NELL2: variants seen among roughly 807,000 people sequenced by gnomAD.
The protein encoded by NELL2 is protein kinase C-binding protein NELL2.
Under a neutral mutation model 109.6 loss-of-function variants are expected in NELL2, and 41 were observed. The observed-to-expected ratio is 0.37, with a 90% CI of 0.29 to 0.49. The LOEUF is 0.49. NELL2 is among the 20% of genes least tolerant of loss of function. The pLI is 0.98. For missense variants in NELL2, 900 were observed against 1,008.3 expected (o/e 0.89, Z 1.45); for synonymous variants, 355 against 344.7 (o/e 1.03, Z -0.33).
chr12:44,622,702 A>G (rs1390858612), intron 13 of NELL2, among the ~76,000 whole-genome samples: 2 of 152,150 alleles, frequency 1.3e-5, no homozygotes, highest in African/African-American at 4.8e-5. Context: ...CTGACCTTTA[A>G]TCTTCCAACT....
chr12:44,745,535 T>A (rs1940289903), intron 9 of NELL2, among the ~76,000 whole-genome samples: 1 of 152,196 alleles, frequency 6.6e-6, no homozygotes, highest in Non-Finnish European at 1.5e-5. Flanking sequence ...ATTACATGAT[T>A]GTATATCTAG....
chr12:44,660,705 C>T (rs1947711053), intron 13 of NELL2, among the ~76,000 whole-genome samples: 1 of 152,198 alleles, frequency 6.6e-6, no homozygotes, highest in Admixed American at 6.5e-5. Context: ...TAAAGAACTA[C>T]ACAACATAGA....
intron 1 of NELL2, among the ~76,000 whole-genome samples, chr12:44,905,009 G>A (rs1161242941): frequency 2.0e-5 from 3 of 151,980 alleles, no homozygotes; most frequent in Non-Finnish European, 4.4e-5. Context: ...ACCAATGACT[G>A]GACCAAATTT....
At chr12:44,692,721 G>C (rs1248214766) in intron 12 of NELL2, among the ~76,000 whole-genome samples, 1 of 152,104 alleles carries the variant, frequency 6.6e-6, no homozygotes, top group Non-Finnish European at 1.5e-5. Context: ...GACTTTGAGT[G>C]GTTCAAGACT....
chr12:44,681,957 G>A (rs1165015399), intron 12 of NELL2, among the ~76,000 whole-genome samples: 1 of 151,782 alleles, frequency 6.6e-6, no homozygotes, highest in Non-Finnish European at 1.5e-5. Context: ...TGGGTCAAAT[G>A]CTATTTCTAG....
intron 13 of NELL2, among the ~76,000 whole-genome samples, chr12:44,624,027 C>G (rs1025198735): frequency 6.6e-6 from 1 of 152,040 alleles, no homozygotes. Flanking sequence ...GGAGAAATAT[C>G]TAACGTAGGT....
intron 13 of NELL2, among the ~76,000 whole-genome samples, chr12:44,632,257 A>C (rs186838443): frequency 2.3e-4 from 35 of 152,272 alleles, no homozygotes; most frequent in Non-Finnish European, 4.4e-4. Flanking sequence ...TTGACATCAG[A>C]TACAAGTCAG....
intron 11 of NELL2, among the ~76,000 whole-genome samples, chr12:44,709,475 C>T (rs1938074198): frequency 6.6e-6 from 1 of 152,274 alleles, no homozygotes; most frequent in East Asian, 1.9e-4. Flanking sequence ...GCCCGGCTTC[C>T]AGCCCTACAG....
At chr12:44,748,754 GT>G (rs1249394614) in intron 9 of NELL2, among the ~76,000 whole-genome samples, 1 of 152,128 alleles carries the variant, frequency 6.6e-6, no homozygotes, top group Non-Finnish European at 1.5e-5. Flanking sequence ...ATGAAAAGAT[GT>G]ATCCATTTAC....
At chr12:44,635,028 T>C (rs1475615580) in intron 13 of NELL2, among the ~76,000 whole-genome samples, 1 of 152,214 alleles carries the variant, frequency 6.6e-6, no homozygotes, top group African/African-American at 2.4e-5. Context: ...ATTTTTCTAA[T>C]GACCAGTGAT....
chr12:44,762,435 T>A (rs1457278783), intron 9 of NELL2, among the ~76,000 whole-genome samples: 2 of 152,214 alleles, frequency 1.3e-5, no homozygotes, highest in East Asian at 3.9e-4. Flanking sequence ...CAAAACCTAA[T>A]CATTTCCCAT....
Position 44,585,091 on chromosome 12 carries a change from T to C in NELL2, c.1663+22078A>G, listed in dbSNP as rs377088452. Among the ~76,000 whole-genome samples the C allele has an allele frequency of 5.3e-5, 8 of 152,314 alleles. No individual in the cohort carries two copies. The South Asian group carries it at 1.7e-3, about 32-fold the overall frequency. ...ACTTGAAAAATTGAAAATATTCCTA[T>C]CATTCTCATAGACAGTTTGTGGGAA... On this transcript the variant is annotated intron_variant, in intron 15 of 19. Coordinates refer to ENST00000429094, the MANE Select transcript of NELL2 (RefSeq NM_001145108.2).
chr12:44,889,313 T>C (rs1945508103), intron 1 of NELL2, among the ~76,000 whole-genome samples: 1 of 152,040 alleles, frequency 6.6e-6, no homozygotes, highest in Admixed American at 6.6e-5. Flanking sequence ...GAAAAATATA[T>C]ACAGCATTCC....
In NELL2 at chr12:44,523,417, G is replaced by A. The variant is rs201592050; in HGVS notation, c.1872C>T (p.Gly624=). The part of the protein sequence containing the change: ...ANDTICFNLD[G]GYDCRCPHGK... The stretch of plus-strand genomic sequence containing the variant: ...CATGAGGACATCGACAATCATATCC[G>A]CCATCCAAATTGAAGCAAATGGTAT... Residue 624 remains glycine (G), a synonymous_variant, in exon 17 of 20, where the codon GGC becomes GGT. Transcript: ENST00000429094. The A allele has an allele frequency of 3.1e-5, 50 of 1,613,842 alleles. No homozygotes were observed. The highest frequency in any genetic ancestry group is 4.5e-5 in the East Asian group (2 of 44,888).
At chr12:44,663,683 T>G (rs1404622807) in intron 13 of NELL2, among the ~76,000 whole-genome samples, 3 of 152,314 alleles carry the variant, frequency 2.0e-5, no homozygotes, top group African/African-American at 7.2e-5. Flanking sequence ...GGAAGGAAAG[T>G]GCACTGGGAG....
chr12:44,512,831 G>A (rs1200437847), intron 19 of NELL2, among the ~76,000 whole-genome samples: 1 of 151,986 alleles, frequency 6.6e-6, no homozygotes, highest in Non-Finnish European at 1.5e-5. Flanking sequence ...GAGGAGGATA[G>A]GAAGATGTTG....
intron 2 of NELL2, among the ~76,000 whole-genome samples, chr12:44,816,721 T>C (rs112223884): frequency 2.0e-4 from 31 of 152,324 alleles, no homozygotes; most frequent in African/African-American, 6.3e-4. Flanking sequence ...TCACCATAGA[T>C]ATTGAAAAAA....
At chr12:44,605,729 C>G (rs997592505) in intron 15 of NELL2, among the ~76,000 whole-genome samples, 4 of 152,054 alleles carry the variant, frequency 2.6e-5, no homozygotes, top group Non-Finnish European at 4.4e-5. Flanking sequence ...ATTGAAATGT[C>G]CTGAAAAAGC....
chr12:44,866,480 A>C (rs1024043348), intron 2 of NELL2, among the ~76,000 whole-genome samples: 4 of 152,180 alleles, frequency 2.6e-5, no homozygotes, highest in African/African-American at 9.6e-5. Flanking sequence ...CAGCAAAAGC[A>C]GTTTTCAGAG....
Sources: gnomAD v4.1 joint callset for allele counts (sites outside exome capture counted in the v4.1 genomes callset) on GRCh38, gnomAD v4.1.1 for gene constraint, MANE v1.5 for transcripts, NCBI Gene and HGNC (gene_info 2026-07-23, HGNC 2026-07-21) for gene names.